The following CDH13 variants were observed in gnomAD, a reference collection of about 807,000 sequenced individuals.
The protein encoded by CDH13 is cadherin 13, also known as cadherin-13.
CDH13 carries 24 observed loss-of-function variants against 63.8 expected under a neutral mutation model. The observed-to-expected ratio is 0.38, with a 90% CI of 0.27 to 0.53. CDH13 has a LOEUF of 0.53. Ranked by LOEUF, CDH13 falls within the 20% of genes least tolerant of loss-of-function variation. CDH13 has a pLI of 0.85. For missense variants in CDH13, 1,049 were observed against 903.1 expected, an observed-to-expected ratio of 1.16 and a Z score of -2.07; for synonymous variants, 503 against 355.3, an observed-to-expected ratio of 1.42 and a Z score of -4.67.
chr16:83,209,964 G>T (rs888210881), intron 4 of CDH13, among the ~76,000 whole-genome samples: 5 of 152,162 alleles, frequency 3.3e-5, no homozygotes, highest in Non-Finnish European at 7.3e-5. Flanking sequence ...CTCATGCTGG[G>T]TTGTGGCTTC....
intron 1 of CDH13, chr16:82,719,272 G>A (rs1268397585): frequency 9.6e-6 from 4 of 418,536 alleles, no homozygotes; most frequent in East Asian, 1.5e-4. Flanking sequence ...TATAATTTTG[G>A]CCTGAGTCTA....
chr16:83,388,801 C>G (rs1323850993), intron 6 of CDH13, among the ~76,000 whole-genome samples: 1 of 152,186 alleles, frequency 6.6e-6, no homozygotes, highest in African/African-American at 2.4e-5. Flanking sequence ...GATACAGCTA[C>G]ATTAGCCTCA....
At chr16:83,371,917 G>A (rs1235037390) in intron 6 of CDH13, among the ~76,000 whole-genome samples, 3 of 152,162 alleles carry the variant, frequency 2.0e-5, no homozygotes, top group East Asian at 1.9e-4. Flanking sequence ...AAAAATAGGT[G>A]TTTAATAAAT....
At chr16:83,666,153 C>G (rs1047547209) in intron 8 of CDH13, among the ~76,000 whole-genome samples, 8 of 152,318 alleles carry the variant, frequency 5.3e-5, no homozygotes, top group Non-Finnish European at 1.0e-4. Context: ...TCCTCCTGCT[C>G]TAGTGTGGTA....
At chr16:82,895,901 T>C (rs1243941264) in intron 2 of CDH13, among the ~76,000 whole-genome samples, 1 of 152,098 alleles carries the variant, frequency 6.6e-6, no homozygotes, top group Non-Finnish European at 1.5e-5. Flanking sequence ...AAGATCAGCC[T>C]CCCCTCTGCT....
intron 5 of CDH13, among the ~76,000 whole-genome samples, chr16:83,264,839 T>G (rs1440149647): frequency 6.6e-6 from 1 of 152,100 alleles, no homozygotes; most frequent in African/African-American, 2.4e-5. Context: ...AAACATTTAT[T>G]TCTCCTATTA....
rs1348589502 is a variant in CDH13, at chr16:83,783,286, C to A, written c.1948C>A (p.Leu650Met). Residue 650 changes from leucine to methionine, a missense_variant, in exon 13 of 14, where the codon CTG becomes ATG. By Grantham distance (15) the Leu-to-Met change is conservative. Transcript: ENST00000567109. Reference protein sequence around the residue: ...THALVSLLQNLNKANYNLPIM... With the variant: ...THALVSLLQNMNKANYNLPIM... ...CGCCCTGGTAAGCCTTCTTCAAAAT[C>A]TGAACAAAGCAAACTACAACCTGCC... 1 of 1,613,942 alleles carries A rather than the reference C, an allele frequency of 6.2e-7. No homozygotes were observed. The highest frequency in any genetic ancestry group is 1.3e-5 in the African/African-American group (1 of 75,042).
chr16:83,587,326 G>C (rs1247033908), intron 7 of CDH13, among the ~76,000 whole-genome samples: 4 of 152,132 alleles, frequency 2.6e-5, no homozygotes, highest in Non-Finnish European at 5.9e-5. Context: ...AACATGCAAA[G>C]GACTGATATT....
At chr16:83,201,277 C>T (rs2039021714) in intron 4 of CDH13, among the ~76,000 whole-genome samples, 1 of 152,052 alleles carries the variant, frequency 6.6e-6, no homozygotes, top group Non-Finnish European at 1.5e-5. Context: ...TTCCTGCTAG[C>T]ACAGTTTATA....
chr16:82,800,343 C>G (rs748249707), intron 1 of CDH13, among the ~76,000 whole-genome samples: 2 of 152,038 alleles, frequency 1.3e-5, no homozygotes, highest in East Asian at 1.9e-4. Context: ...GGTTTCATAG[C>G]CAGTCTGAGG....
chr16:83,205,200 A>C (rs1008148281), intron 4 of CDH13, among the ~76,000 whole-genome samples: 4 of 152,240 alleles, frequency 2.6e-5, no homozygotes, highest in Middle Eastern at 3.2e-3. Context: ...AGCCAAGGAG[A>C]GTGTTTTCAA....
At chr16:83,202,470 C>A (rs1425353837) in intron 4 of CDH13, among the ~76,000 whole-genome samples, 1 of 152,092 alleles carries the variant, frequency 6.6e-6, no homozygotes, top group African/African-American at 2.4e-5. Context: ...GAGACAGTAG[C>A]GGCTTCACAG....
intron 6 of CDH13, among the ~76,000 whole-genome samples, chr16:83,483,077 G>A (rs1246437515): frequency 6.6e-6 from 1 of 152,196 alleles, no homozygotes. Flanking sequence ...GTTGAAAACA[G>A]GGAAACCGAG....
intron 10 of CDH13, among the ~76,000 whole-genome samples, chr16:83,731,249 G>A (rs28783386): frequency 0.18 from 26,967 of 152,198 alleles, 2,460 homozygotes; most frequent in Middle Eastern, 0.22. Context: ...AACTGCTTTG[G>A]ACAGGGGCTG....
At chr16:82,993,224 C>T (rs1911852040) in intron 2 of CDH13, among the ~76,000 whole-genome samples, 2 of 152,164 alleles carry the variant, frequency 1.3e-5, no homozygotes, top group South Asian at 4.1e-4. Flanking sequence ...CATTTTATCT[C>T]CCAAAGGCAG....
chr16:83,732,352 C>A (rs1383139987), intron 10 of CDH13, among the ~76,000 whole-genome samples: 1 of 152,120 alleles, frequency 6.6e-6, no homozygotes. Flanking sequence ...GAGAAACCAA[C>A]AGCTAATGCA....
intron 1 of CDH13, among the ~76,000 whole-genome samples, chr16:82,848,417 A>G (rs1465028200): frequency 1.3e-5 from 2 of 152,160 alleles, no homozygotes; most frequent in Non-Finnish European, 2.9e-5. Context: ...GCACTGAGCA[A>G]GTTTATGGGT....
At chr16:83,083,272 C>CTG (rs2033377321) in intron 3 of CDH13, among the ~76,000 whole-genome samples, 2 of 151,904 alleles carry the variant, frequency 1.3e-5, no homozygotes, top group South Asian at 4.2e-4. Flanking sequence ...TGTGTAGTCA[C>CTG]TGTGTGTCCA....
In CDH13 at chr16:82,644,106, T is replaced by C. The variant is rs1048074764; in HGVS notation, c.45+16969T>C. On this transcript the variant is annotated intron_variant, in intron 1 of 13. Transcript: ENST00000567109. This position sits in a 1 kb window ranked among gnomAD's most constrained non-coding sequence, Gnocchi z 5.7. ...AGAAAGAGGAGAGAAATCTAATTGA[T>C]ATGCTAATTGTCATTGTACTCAAGT... Among the ~76,000 whole-genome samples, 1 of 152,138 alleles carries C rather than the reference T, an allele frequency of 6.6e-6. No homozygotes were observed. Among genetic ancestry groups the C allele is most frequent in the African/African-American group, 2.4e-5 (1 of 41,422 alleles).
Sources: allele counts gnomAD v4.1 joint callset (sites outside exome capture counted in the v4.1 genomes callset), GRCh38; gene constraint gnomAD v4.1.1; non-coding constraint Gnocchi (gnomAD v3.1); transcripts MANE v1.5; gene names NCBI Gene and HGNC (gene_info 2026-07-23, HGNC 2026-07-21).